The following TRANK1 variants were observed in gnomAD, a reference collection of about 807,000 sequenced individuals.
The protein encoded by TRANK1 is TPR and ankyrin repeat-containing protein 1.
In TRANK1, 198 loss-of-function variants were observed where a neutral mutation model predicts 266.0. The ratio of observed to expected loss-of-function variants is 0.74; its 90% CI spans 0.66 to 0.84. The LOEUF is 0.84. TRANK1 is among the 40% of genes least tolerant of loss of function. The pLI, the probability that TRANK1 is intolerant of heterozygous loss-of-function variation, is 0.00. For synonymous variants in TRANK1, 1,396 were observed against 1,384.1 expected (o/e 1.01, Z -0.19); for missense variants, 3,326 against 3,634.6 (o/e 0.92, Z 2.18).
intron 1 of TRANK1, among the ~76,000 whole-genome samples, chr3:36,922,369 G>A (rs1212561069): frequency 6.6e-6 from 1 of 152,132 alleles, no homozygotes; most frequent in Non-Finnish European, 1.5e-5. Context: ...ACTTTGGGAG[G>A]CCGAGGTGGG....
chr3:36,915,345 T>C (rs577971458), intron 1 of TRANK1, among the ~76,000 whole-genome samples: 23 of 152,366 alleles, frequency 1.5e-4, no homozygotes, highest in African/African-American at 5.5e-4. Context: ...GATCAGGGTA[T>C]GTAGCATATC....
At chr3:36,925,776 G>A (rs968121909) in intron 1 of TRANK1, among the ~76,000 whole-genome samples, 5 of 151,866 alleles carry the variant, frequency 3.3e-5, no homozygotes, top group African/African-American at 1.2e-4. Flanking sequence ...TTTTGAGATG[G>A]GGTTTCACCA....
rs1338861431 is a variant in TRANK1, at chr3:36,857,091, C to T, written c.2631G>A (p.Lys877=). 8.1e-6 allele frequency: 13 copies of T among 1,613,922 alleles called. No individual in the cohort carries two copies. Among genetic ancestry groups the T allele is most frequent in the Non-Finnish European group, 1.0e-5 (12 of 1,179,900 alleles). ...GNGEWTQGLQ[K]RLKHLKGSIQ... is the part of the protein sequence containing the mutation. ...TGCTTCCTTTCAGGTGCTTCAGTCG[C>T]TTCTGCAGGCCCTGGGTCCACTCGC... The change falls in exon 13 of 24, where the codon AAG becomes AAA. Residue 877 remains lysine (K), a synonymous_variant. Coordinates refer to ENST00000645898, the MANE Select transcript of TRANK1 (RefSeq NM_001329998.2). This position sits in a 1 kb window ranked among gnomAD's most constrained non-coding sequence, Gnocchi z 4.3.
At chr3:36,878,581 A>G (rs1284155043) in intron 8 of TRANK1, among the ~76,000 whole-genome samples, 3 of 152,150 alleles carry the variant, frequency 2.0e-5, no homozygotes, top group Non-Finnish European at 2.9e-5. Context: ...GGACACCAGG[A>G]GGGAAACAAC....
At chr3:36,937,532 A>G (rs946523674) in intron 1 of TRANK1, among the ~76,000 whole-genome samples, 1 of 152,228 alleles carries the variant, frequency 6.6e-6, no homozygotes, top group Non-Finnish European at 1.5e-5. Flanking sequence ...AGGACAGAAG[A>G]GGTGTACAAA....
chr3:36,889,741 G>A (rs2079659580), intron 8 of TRANK1, 88 bp downstream of exon 8: 1 of 1,438,230 alleles, frequency 7.0e-7, no homozygotes, highest in African/African-American at 1.4e-5. Context: ...GGGATAGAAT[G>A]GGTAAAACAA....
chr3:36,850,802 C>T, intron 15 of TRANK1: 1 of 985,366 alleles, frequency 1.0e-6, no homozygotes, highest in Non-Finnish European at 1.2e-6. Flanking sequence ...AGGACTCTAT[C>T]TAAAGGGTCA....
chr3:36,899,590 T>C (rs1045864003), intron 3 of TRANK1, among the ~76,000 whole-genome samples: 1 of 152,160 alleles, frequency 6.6e-6, no homozygotes, highest in African/African-American at 2.4e-5. Context: ...GCCCAGGAGA[T>C]AGAGGCTACA....
chr3:36,828,391 A>G lies in TRANK1; in HGVS notation c.8810-16T>C. 1.3e-6 allele frequency: 1 copy of G among 769,890 alleles called. No homozygotes were observed. Among genetic ancestry groups the G allele is most frequent in the Non-Finnish European group, 2.0e-6 (1 of 492,874 alleles). 47.7% of individuals were successfully genotyped at this position (769,890 alleles called of 1,614,324 possible). A position where few individuals can be genotyped will look rare whatever the true frequency, so the allele number is the denominator to read the frequency against. ...TGAACAATACCTGAAGAAAGAAAGA[A>G]GGAAGGAAGGAAGGAAGGAAAGAAG... is the stretch of plus-strand genomic sequence containing the variant. On this transcript the variant is annotated splice_polypyrimidine_tract_variant and intron_variant, in intron 23 of 23. Coordinates refer to ENST00000645898, the MANE Select transcript of TRANK1 (RefSeq NM_001329998.2).
At chr3:36,868,880 A>C (rs1414231131) in intron 9 of TRANK1, among the ~76,000 whole-genome samples, 1 of 152,228 alleles carries the variant, frequency 6.6e-6, no homozygotes, top group Non-Finnish European at 1.5e-5. Context: ...CCAGAAAGAT[A>C]AGGATTCAGA....
At chr3:36,912,438 A>T (rs990337824) in intron 1 of TRANK1, among the ~76,000 whole-genome samples, 2 of 152,120 alleles carry the variant, frequency 1.3e-5, no homozygotes, top group African/African-American at 4.8e-5. Context: ...GGCACTGAGC[A>T]CTCTACCCTG....
chr3:36,861,257 A>T, intron 10 of TRANK1, 97 bp from the exon 11 acceptor site: 2 of 1,386,462 alleles, frequency 1.4e-6, no homozygotes, highest in Non-Finnish European at 1.9e-6. Context: ...ATTAACACGG[A>T]TTATATAAAC....
rs112058540 is a variant in TRANK1, at chr3:36,870,239, C to T, written c.1078+3887G>A. On this transcript the variant is annotated intron_variant, in intron 9 of 23. Transcript: ENST00000645898. ...TCTGACCAACAGAGTGAAACCCCAT[C>T]TCTACAAAAAATACAAAATTAGCCG... 9.1e-3 allele frequency among the ~76,000 whole-genome samples: 1,389 copies of T among 152,258 alleles called. 22 individuals are homozygous for T. Among genetic ancestry groups the T allele is most frequent in the African/African-American group, 0.032 (1,340 of 41,542 alleles).
In TRANK1 at chr3:36,907,459, ATTT is replaced by A. The variant is rs1212991729; in HGVS notation, c.155+861_155+863del. Among the ~76,000 whole-genome samples the A allele has an allele frequency of 3.1e-3, 325 of 104,334 alleles. 1 individual carries two copies. The highest frequency in any genetic ancestry group is 0.012 in the African/African-American group (307 of 25,774). 68.4% of individuals were successfully genotyped at this position (104,334 alleles called of 152,430 possible). ...GCCACTCTACCCAGCAAATTTATTG[ATTT>A]TTTTTTTTTTTTTTTTTTTTGAGAC... On this transcript the variant is annotated intron_variant, in intron 2 of 23. Transcript: ENST00000645898.
chr3:36,892,971 A>G lies in TRANK1; in HGVS notation c.566T>C (p.Leu189Pro). ...KKGLWHSFLL[L>P]SAKKDRLPRN... The stretch of plus-strand genomic sequence containing the variant: ...TGGTAATCGGTCTTTTTTTGCTGAC[A>G]GAAGCAGAAATGACTGGTGGGAGAA... The change falls in exon 6 of 24, where the codon CTG becomes CCG. Residue 189 changes from leucine (L) to proline (P), a missense_variant. Transcript: ENST00000645898. 1 of 1,510,690 alleles carries G rather than the reference A, an allele frequency of 6.6e-7. No homozygotes were observed. The highest frequency in any genetic ancestry group is 1.3e-5 in the South Asian group (1 of 79,252). The allele number at this position is 1,510,690 out of a possible 1,614,324, so 93.6% of individuals were successfully genotyped here. A position where few individuals can be genotyped will look rare whatever the true frequency, so the allele number is the denominator to read the frequency against.
chr3:36,905,078 G>A (rs2079943616), intron 2 of TRANK1, among the ~76,000 whole-genome samples: 1 of 152,014 alleles, frequency 6.6e-6, no homozygotes. Flanking sequence ...CACGAGGTCA[G>A]GAGATCGAGA....
At chr3:36,830,389 T>C (rs1011458805) in intron 22 of TRANK1, among the ~76,000 whole-genome samples, 2 of 151,274 alleles carry the variant, frequency 1.3e-5, no homozygotes, top group African/African-American at 4.9e-5. Flanking sequence ...TCACACTGGG[T>C]ATGACTTAAA....
At chr3:36,853,868 C>T (rs1026595846) in intron 13 of TRANK1, among the ~76,000 whole-genome samples, 2 of 152,132 alleles carry the variant, frequency 1.3e-5, no homozygotes, top group African/African-American at 4.8e-5. Flanking sequence ...AAGAAGGACA[C>T]AATGAGTAGT....
intron 8 of TRANK1, among the ~76,000 whole-genome samples, chr3:36,881,911 A>AT (rs1449889141): frequency 1.1e-4 from 17 of 152,176 alleles, no homozygotes; most frequent in African/African-American, 3.6e-4. Context: ...GTGTTGTAGC[A>AT]TGTATCAGTA....
Sources: allele counts gnomAD v4.1 joint callset (sites outside exome capture counted in the v4.1 genomes callset), GRCh38; gene constraint gnomAD v4.1.1; non-coding constraint Gnocchi (gnomAD v3.1); transcripts MANE v1.5; gene names NCBI Gene and HGNC (gene_info 2026-07-23, HGNC 2026-07-21).